NWD1: variants seen among roughly 807,000 people sequenced by gnomAD.
NWD1 encodes NACHT domain- and WD repeat-containing protein 1.
In NWD1, 129 loss-of-function variants were observed where a neutral mutation model predicts 135.1. The ratio of observed to expected loss-of-function variants is 0.96; its 90% CI spans 0.83 to 1.11. The LOEUF (loss-of-function observed/expected upper bound fraction) is 1.11, where lower values mean the gene tolerates loss of function less well. Ranked by LOEUF, NWD1 falls within the 50% of genes least tolerant of loss-of-function variation. The pLI, the probability that NWD1 is intolerant of heterozygous loss-of-function variation, is 0.00. For missense variants in NWD1, 1,740 were observed against 1,851.3 expected, an observed-to-expected ratio of 0.94 and a Z score of 1.10; for synonymous variants, 773 against 786.0, an observed-to-expected ratio of 0.98 and a Z score of 0.28.
At chr19:16,805,413 T>A (rs181606361) in intron 17 of NWD1, among the ~76,000 whole-genome samples, 3 of 151,376 alleles carry the variant, frequency 2.0e-5, no homozygotes, top group Admixed American at 2.0e-4. Flanking sequence ...AGGGTGGTCT[T>A]GACCTCCTGG....
At chr19:16,737,043 C>G (rs1013712464) in intron 4 of NWD1, among the ~76,000 whole-genome samples, 4 of 152,024 alleles carry the variant, frequency 2.6e-5, no homozygotes, top group Admixed American at 6.6e-5. Flanking sequence ...TTCCCCACCC[C>G]CTCCACTTTA....
chr19:16,796,752 C>G (rs896965340), intron 15 of NWD1, among the ~76,000 whole-genome samples: 1 of 152,068 alleles, frequency 6.6e-6, no homozygotes, highest in Non-Finnish European at 1.5e-5. Context: ...TTCCTTCCAT[C>G]ATAGTTATCA....
chr19:16,754,974 T>C (rs1968733326), intron 6 of NWD1, among the ~76,000 whole-genome samples: 1 of 152,228 alleles, frequency 6.6e-6, no homozygotes, highest in South Asian at 2.1e-4. Flanking sequence ...AGTCTCAATC[T>C]ATCTCTATCA....
In NWD1 at chr19:16,779,326, C is replaced by T. The variant is rs779449634; in HGVS notation, c.2609-17C>T. The T allele has an allele frequency of 8.1e-6, 13 of 1,613,446 alleles. No individual in the cohort carries two copies. Among genetic ancestry groups the T allele is most frequent in the Non-Finnish European group, 1.1e-5 (13 of 1,179,962 alleles). On this transcript the variant is annotated splice_polypyrimidine_tract_variant and intron_variant, in intron 11 of 18. Coordinates refer to ENST00000524140, the MANE Select transcript of NWD1 (RefSeq NM_001007525.5). ...ACAGGAACTGAGATCATTGCTGTTG[C>T]CTCTGTGTGGCTGCAGGCATCACCG... is the stretch of plus-strand genomic sequence containing the variant.
intron 18 of NWD1, among the ~76,000 whole-genome samples, chr19:16,812,267 T>C (rs1970947068): frequency 6.6e-6 from 1 of 151,372 alleles, no homozygotes; most frequent in Non-Finnish European, 1.5e-5. Flanking sequence ...CGAGATGGCA[T>C]CACTGCACTC....
chr19:16,797,076 A>AGCTGAGGCACCTACAAGCCC (rs1970439581), intron 15 of NWD1, among the ~76,000 whole-genome samples: 1 of 151,796 alleles, frequency 6.6e-6, no homozygotes, highest in African/African-American at 2.4e-5. Context: ...GCTACTCAGG[A>AGCTGAGGCACCTACAAGCCC]AGCTGAGGCA....
chr19:16,797,179 C>CAA (rs762226680), intron 15 of NWD1, among the ~76,000 whole-genome samples: 12 of 130,684 alleles, frequency 9.2e-5, no homozygotes, highest in African/African-American at 1.4e-4. Context: ...GACTCCATCT[C>CAA]AAAAAAAAAA....
In NWD1 at chr19:16,749,186, G is replaced by T; in HGVS notation, c.544G>T (p.Glu182Ter). The T allele has an allele frequency of 6.2e-7, 1 of 1,613,392 alleles. No homozygotes were observed. The highest frequency in any genetic ancestry group is 8.5e-7 in the Non-Finnish European group (1 of 1,179,612). ...GAGCCTGCTGAGCTCAGAGGACCGG[G>T]AACAGGGAGCCACCGTCTTCCTTAG... ...ERSLLSSEDREQGATVFLREI... is the reference protein window; with the variant it reads ...ERSLLSSEDR Residue 182 changes from glutamate (E) to a stop codon, truncating the protein, a stop_gained, in exon 6 of 19, where the codon GAA becomes TAA. Transcript: ENST00000524140. LOFTEE classifies it high-confidence loss of function.
Position 16,749,711 on chromosome 19 carries a change from C to T in NWD1, c.1069C>T (p.Gln357Ter). ...AGCCCTGATGTGCAAGCTGGCTGAG[C>T]AGATGCCAAGGCTGCTGGGGCACAA... is the stretch of plus-strand genomic sequence containing the variant. ...KTALMCKLAE[Q>*]MPRLLGHKTV... The change falls in exon 6 of 19, where the codon CAG (glutamine) becomes TAG (stop). Residue 357 changes from glutamine to a stop codon, truncating the protein, a stop_gained. Coordinates refer to ENST00000524140, the MANE Select transcript of NWD1 (RefSeq NM_001007525.5). LOFTEE classifies it high-confidence loss of function. The T allele has an allele frequency of 6.2e-7, 1 of 1,603,386 alleles. No individual in the cohort carries two copies. Among genetic ancestry groups the T allele is most frequent in the African/African-American group, 1.3e-5 (1 of 74,902 alleles).
chr19:16,727,951 A>C (rs147373236), intron 2 of NWD1, among the ~76,000 whole-genome samples: 1 of 152,018 alleles, frequency 6.6e-6, no homozygotes, highest in African/African-American at 2.4e-5. Flanking sequence ...AATCCCAGCT[A>C]CTTGAGAGGC....
At chr19:16,802,463 TAAAAAAAAAA>T (rs1165843521) in intron 17 of NWD1, among the ~76,000 whole-genome samples, 1 of 96,482 alleles carries the variant, frequency 1.0e-5, no homozygotes, top group African/African-American at 4.1e-5. Flanking sequence ...CTATCTCAAT[TAAAAAAAAAA>T]AAAAAAAAAA....
At chr19:16,788,949 T>G (rs1339193513) in intron 12 of NWD1, 33 bp from the exon 13 acceptor site, 1 of 1,538,362 alleles carries the variant, frequency 6.5e-7, no homozygotes, top group East Asian at 2.2e-5. Flanking sequence ...TGTTCCCAGC[T>G]AATATACTCT....
chr19:16,773,367 T>C, intron 11 of NWD1, 44 bp downstream of exon 11: 1 of 1,540,496 alleles, frequency 6.5e-7, no homozygotes, highest in Non-Finnish European at 8.9e-7. Flanking sequence ...GGCACCTGCT[T>C]GCCTGGGGGC....
intron 1 of NWD1, among the ~76,000 whole-genome samples, chr19:16,723,560 C>T (rs1379788600): frequency 6.6e-6 from 1 of 152,154 alleles, no homozygotes; most frequent in Non-Finnish European, 1.5e-5. Context: ...GCAATCCCCA[C>T]CTCAGCCTCT....
chr19:16,793,231 A>G (rs960215748), intron 14 of NWD1, among the ~76,000 whole-genome samples: 3 of 151,828 alleles, frequency 2.0e-5, no homozygotes, highest in African/African-American at 7.3e-5. Context: ...GCCTCTTTGC[A>G]GATATTTTGT....
chr19:16,746,179 C>T (rs533592552), intron 5 of NWD1, among the ~76,000 whole-genome samples: 1 of 148,586 alleles, frequency 6.7e-6, no homozygotes, highest in Non-Finnish European at 1.5e-5. Flanking sequence ...CATGGCAAAA[C>T]CTCACCTTTA....
intron 12 of NWD1, among the ~76,000 whole-genome samples, chr19:16,787,920 A>C: frequency 8.2e-6 from 1 of 122,066 alleles, no homozygotes. Flanking sequence ...CATCATCATC[A>C]TCATCATCAT....
intron 6 of NWD1, among the ~76,000 whole-genome samples, chr19:16,756,512 C>T (rs112393287): frequency 7.9e-5 from 12 of 152,168 alleles, no homozygotes; most frequent in Admixed American, 2.0e-4. Flanking sequence ...CTATTTATAT[C>T]TATTTATCTA....
intron 4 of NWD1, among the ~76,000 whole-genome samples, chr19:16,738,752 A>G (rs1211465558): frequency 1.4e-5 from 2 of 139,246 alleles, no homozygotes; most frequent in East Asian, 3.9e-4. Flanking sequence ...TATATATTAT[A>G]TATATATAAT....
Sources: allele counts gnomAD v4.1 joint callset (sites outside exome capture counted in the v4.1 genomes callset), GRCh38; gene constraint gnomAD v4.1.1; transcripts MANE v1.5; gene names NCBI Gene and HGNC (gene_info 2026-07-23, HGNC 2026-07-21).